Variants in NOA1 observed in about 807,000 individuals in gnomAD.
NOA1 encodes nitric oxide associated 1, also known as nitric oxide-associated protein 1.
A neutral mutation model predicts 58.4 loss-of-function variants in NOA1; 35 were observed. That is an observed-to-expected ratio of 0.60 (90% CI 0.46 to 0.79). NOA1 has a LOEUF of 0.79. Ranked by LOEUF, NOA1 falls within the 30% of genes least tolerant of loss-of-function variation. NOA1 has a pLI of 0.00. For synonymous variants in NOA1, 397 were observed against 373.4 expected (o/e 1.06, Z -0.73); for missense variants, 895 against 894.6 (o/e 1.00, Z -0.01).
At chr4:56,975,645 A>C (rs1381502971) in intron 1 of NOA1, among the ~76,000 whole-genome samples, 2 of 152,084 alleles carry the variant, frequency 1.3e-5, no homozygotes, top group African/African-American at 4.8e-5. Context: ...TGGGATGCTG[A>C]GGCGGGCGGA....
rs1030175735 is a variant in NOA1 at position 56,973,232 on chromosome 4, G to C, written c.1431C>G (p.Ser477=). 6.2e-7 allele frequency: 1 copy of C among 1,614,008 alleles called. No homozygotes were observed. Among genetic ancestry groups the C allele is most frequent in the African/African-American group, 1.3e-5 (1 of 74,912 alleles). ...ENDPVMGTHK[S]TKQVELTAQD... ...GTGCAGTCAATTCTACTTGTTTGGT[G>C]GATTTGTGTGTACCCATAACAGGGT... Residue 477 remains serine, a synonymous_variant, in exon 3 of 7, where the codon TCC becomes TCG. Coordinates refer to ENST00000264230, the MANE Select transcript of NOA1 (RefSeq NM_032313.4).
Position 56,977,606 on chromosome 4 carries a change from G to A in NOA1, c.-21C>T, listed in dbSNP as rs778862281. ...AGCATGAGGAAGTAGCTCCAAAGGG[G>A]CGGAGCCACCAGCGCGCACGCGCAC... On this transcript the variant is annotated 5_prime_UTR_variant, in exon 1 of 7. Transcript: ENST00000264230. 5.9e-6 allele frequency: 9 copies of A among 1,534,700 alleles called. No individual in the cohort carries two copies. In the Admixed American group the frequency reaches 1.5e-4, roughly 26 times the overall value.
chr4:56,968,000 C>T (rs1308334223), intron 4 of NOA1, among the ~76,000 whole-genome samples: 5 of 151,524 alleles, frequency 3.3e-5, no homozygotes, highest in African/African-American at 1.2e-4. Flanking sequence ...TCACTGCAGC[C>T]TCCGCCTCCC....
intron 4 of NOA1, among the ~76,000 whole-genome samples, chr4:56,967,685 G>A (rs1334012249): frequency 6.6e-6 from 1 of 152,020 alleles, no homozygotes; most frequent in Non-Finnish European, 1.5e-5. Context: ...ACAAAAACGT[G>A]TATGCATAAA....
At position 56,976,967 on chromosome 4, in the gene NOA1, CGCTCACCAGCTCCAGGTACTGCTCGCG is replaced by C; in HGVS notation, c.592_618del (p.Arg198_Ser206del). On this transcript the variant is annotated inframe_deletion, in exon 1 of 7. Coordinates refer to ENST00000264230, the MANE Select transcript of NOA1 (RefSeq NM_032313.4). ...GAGGGGCCGGGCCGCCGCAACGCGG[CGCTCACCAGCTCCAGGTACTGCTCGCG>C]GCTCACCTGCAGGCGTAGAGCGCGC... 1 of 1,600,128 alleles carries C rather than the reference CGCTCACCAGCTCCAGGTACTGCTCGCG, an allele frequency of 6.2e-7. No homozygotes were observed. Among genetic ancestry groups the C allele is most frequent in the Non-Finnish European group, 8.5e-7 (1 of 1,176,660 alleles).
At chr4:56,967,989 C>T (rs1332565854) in intron 4 of NOA1, among the ~76,000 whole-genome samples, 1 of 150,896 alleles carries the variant, frequency 6.6e-6, no homozygotes, top group Non-Finnish European at 1.5e-5. Context: ...GCAATTTCAG[C>T]TCACTGCAGC....
intron 5 of NOA1, among the ~76,000 whole-genome samples, chr4:56,966,140 C>A (rs895578673): frequency 6.7e-6 from 1 of 150,190 alleles, no homozygotes; most frequent in Non-Finnish European, 1.5e-5. Flanking sequence ...GATTCTCCTG[C>A]CTCAGCCTTC....
At position 56,977,152 on chromosome 4, in the gene NOA1, C is replaced by G; in HGVS notation, c.434G>C (p.Gly145Ala). ...PPSGVNCSGC[G>A]AELHCQDAGV... The stretch of plus-strand genomic sequence containing the variant: ...GGCGTCCTGGCAGTGCAGCTCTGCC[C>G]CACAGCCCGAGCAGTTCACGCCGCT... Residue 145 changes from glycine to alanine, a missense_variant, in exon 1 of 7, where the codon GGG (glycine) becomes GCG (alanine). By Grantham distance (60) the Gly-to-Ala change is moderately conservative. Coordinates refer to ENST00000264230, the MANE Select transcript of NOA1 (RefSeq NM_032313.4). 1 of 1,558,446 alleles carries G rather than the reference C, an allele frequency of 6.4e-7. No homozygotes were observed. The highest frequency in any genetic ancestry group is 8.6e-7 in the Non-Finnish European group (1 of 1,156,462).
Position 56,968,368 on chromosome 4 carries a change from TAC to T in NOA1, c.1647+14_1647+15del. 6.2e-7 allele frequency: 1 copy of T among 1,606,554 alleles called. No homozygotes were observed. The highest frequency in any genetic ancestry group is 8.5e-7 in the Non-Finnish European group (1 of 1,178,200). On this transcript the variant is annotated intron_variant, in intron 4 of 6. Transcript: ENST00000264230. ...ATATTTTAAAATCATTTTTTAATAGTACAGACTTTTCTTACCTGCAGGAAATC... is the reference window on the plus strand; with the variant it reads ...ATATTTTAAAATCATTTTTTAATAGTAGACTTTTCTTACCTGCAGGAAATC...
chr4:56,966,793 C>A (rs1578537568), intron 4 of NOA1, 57 bp from the exon 5 acceptor site: 1 of 1,059,850 alleles, frequency 9.4e-7, no homozygotes, highest in Non-Finnish European at 1.4e-6. Flanking sequence ...CCTGCATATT[C>A]AAGGTACAAT....
At chr4:56,973,537 G>A (rs560168194) in intron 2 of NOA1, among the ~76,000 whole-genome samples, 184 bp from the exon 3 acceptor site, 10 of 151,540 alleles carry the variant, frequency 6.6e-5, no homozygotes, top group South Asian at 2.1e-4. Context: ...ATAATCAAGC[G>A]TGTGGCTGGC....
chr4:56,969,543 G>T (rs984872041), intron 3 of NOA1, among the ~76,000 whole-genome samples: 39 of 152,242 alleles, frequency 2.6e-4, no homozygotes, highest in African/African-American at 9.4e-4. Flanking sequence ...CTGCCCTCCA[G>T]CCTGGGCCAT....
In NOA1 at chr4:56,976,965, G is replaced by T; in HGVS notation, c.621C>A (p.Ala207=). 1 of 1,600,750 alleles carries T rather than the reference G, an allele frequency of 6.2e-7. No homozygotes were observed. The highest frequency in any genetic ancestry group is 1.3e-5 in the African/African-American group (1 of 74,896). The change falls in exon 1 of 7, where the codon GCC becomes GCA. Residue 207 remains alanine, a synonymous_variant. Transcript: ENST00000264230. ...SREQYLELVS[A]ALRRPGPSLV... is the part of the protein sequence containing the mutation. ...GGGAGGGGCCGGGCCGCCGCAACGC[G>T]GCGCTCACCAGCTCCAGGTACTGCT...
chr4:56,964,700 A>T (rs1489650880), intron 5 of NOA1, among the ~76,000 whole-genome samples, 174 bp from the exon 6 acceptor site: 1 of 152,210 alleles, frequency 6.6e-6, no homozygotes, highest in Non-Finnish European at 1.5e-5. Context: ...AAAGCAAGGG[A>T]ACTCTGTGAT....
rs1249468630 is a variant in NOA1 at position 56,963,463 on chromosome 4, T to G, written c.2084A>C (p.Lys695Thr). 1.2e-6 allele frequency: 2 copies of G among 1,614,086 alleles called. No homozygotes were observed. Among genetic ancestry groups the G allele is most frequent in the South Asian group, 2.2e-5 (2 of 91,084 alleles). The change falls in exon 7 of 7, where the codon AAG becomes ACG. Residue 695 changes from lysine (K) to threonine (T), a missense_variant. Physicochemically the swap from Lys to Thr is moderately conservative, Grantham distance 78. This residue lies in a region of NOA1 where 212 missense variants were observed against 221.3 expected (regional missense o/e 0.96). Coordinates refer to ENST00000264230, the MANE Select transcript of NOA1 (RefSeq NM_032313.4). The stretch of plus-strand genomic sequence containing the variant: ...ACAAGGTCGGTCTCATACATTTATC[T>G]TTCCTTTCTTCTTCCTCACGTTGTA... ...LMYNVRKKKG[K>T]INV
At chr4:56,976,311 G>T in intron 1 of NOA1, 131 bp downstream of exon 1, 1 of 724,740 alleles carries the variant, frequency 1.4e-6, no homozygotes, top group Non-Finnish European at 2.3e-6. Flanking sequence ...CCAGAGTGGG[G>T]AGAGAATTTG....
chr4:56,970,352 C>T (rs1721790198), intron 3 of NOA1, among the ~76,000 whole-genome samples: 1 of 151,770 alleles, frequency 6.6e-6, no homozygotes, highest in Admixed American at 6.6e-5. Context: ...GTACCTGTGG[C>T]CCTAGCTACT....
chr4:56,977,028 C>G lies in NOA1; in HGVS notation c.558G>C (p.Ser186=). ...GCAGGCGTAGAGCGCGCCGGTGGTG[C>G]GACAGCAGCCAGCAGCGCTGGCACA... ...RTVCQRCWLL[S]HHRRALRLQV... is the part of the protein sequence containing the mutation. Residue 186 remains serine (S), a synonymous_variant, in exon 1 of 7, where the codon TCG becomes TCC. Coordinates refer to ENST00000264230, the MANE Select transcript of NOA1 (RefSeq NM_032313.4). 6.3e-7 allele frequency: 1 copy of G among 1,587,378 alleles called. No individual in the cohort carries two copies. Among genetic ancestry groups the G allele is most frequent in the Non-Finnish European group, 8.5e-7 (1 of 1,171,876 alleles).
Position 56,976,911 on chromosome 4 carries a change from G to C in NOA1, c.675C>G (p.Asp225Glu). ...SLVLYMVDLL[D>E]LPDALLPDLP... is the part of the protein sequence containing the mutation. ...AGTCGGGCAGCAGGGCGTCGGGCAG[G>C]TCCAGCAGGTCCACCATGTAGAGCA... Residue 225 changes from aspartate (D) to glutamate (E), a missense_variant, in exon 1 of 7, where the codon GAC becomes GAG. Around this residue, in one of 3 missense-constraint regions of NOA1, gnomAD observed 680 missense variants for 656.5 expected, o/e 1.04. Coordinates refer to ENST00000264230, the MANE Select transcript of NOA1 (RefSeq NM_032313.4). 6.2e-7 allele frequency: 1 copy of C among 1,611,708 alleles called. No homozygotes were observed. Among genetic ancestry groups the C allele is most frequent in the Non-Finnish European group, 8.5e-7 (1 of 1,179,790 alleles).
Sources: gnomAD v4.1 joint callset for allele counts (sites outside exome capture counted in the v4.1 genomes callset) on GRCh38, gnomAD v4.1.1 for gene constraint, gnomAD v4.1.1 regional missense constraint, MANE v1.5 for transcripts, NCBI Gene and HGNC (gene_info 2026-07-23, HGNC 2026-07-21) for gene names.